The following ALS2CL variants were observed in gnomAD, a reference collection of about 807,000 sequenced individuals.
The protein encoded by ALS2CL is ALS2 C-terminal-like protein.
ALS2CL carries 112 observed loss-of-function variants against 127.9 expected under a neutral mutation model. The observed-to-expected ratio is 0.88, with a 90% CI of 0.75 to 1.02. ALS2CL has a LOEUF of 1.02. Among genes scored for constraint, ALS2CL ranks in the 50% least tolerant of loss-of-function variants. ALS2CL has a pLI of 0.00. For missense variants in ALS2CL, 1,174 were observed against 1,236.7 expected (o/e 0.95, Z 0.76); for synonymous variants, 519 against 527.6 (o/e 0.98, Z 0.22).
intron 19 of ALS2CL, 123 bp downstream of exon 19, chr3:46,676,122 G>C: frequency 6.8e-7 from 1 of 1,460,764 alleles, no homozygotes; most frequent in Non-Finnish European, 9.1e-7. Context: ...CACTGACCAA[G>C]CCTCTGGTTC....
At position 46,682,055 on chromosome 3, in the gene ALS2CL, C is replaced by A. The variant is rs202146355; in HGVS notation, c.1149G>T (p.Gly383=). 75 of 1,614,032 alleles carry A rather than the reference C, an allele frequency of 4.6e-5. No individual in the cohort carries two copies. Among genetic ancestry groups the A allele is most frequent in the Non-Finnish European group, 6.1e-5 (72 of 1,179,976 alleles). ...LKWPDGRNHV[G]NFCQGLEHGF... ...CATGCTCCAGGCCCTGGCAGAAATT[C>A]CCCACGTGATTCCGCCCATCCGGCC... is the stretch of plus-strand genomic sequence containing the variant. Residue 383 remains glycine, a synonymous_variant, in exon 11 of 26, where the codon GGG becomes GGT. Transcript: ENST00000318962.
At chr3:46,675,730 C>T in intron 19 of ALS2CL, 44 bp from the exon 20 acceptor site, 1 of 1,611,258 alleles carries the variant, frequency 6.2e-7, no homozygotes, top group Non-Finnish European at 8.5e-7. Context: ...CCCCTTGCCA[C>T]AGAACTGGAG....
At chr3:46,672,059 T>C in intron 23 of ALS2CL, 26 bp from the exon 24 acceptor site, 1 of 1,613,996 alleles carries the variant, frequency 6.2e-7, no homozygotes, top group Non-Finnish European at 8.5e-7. Flanking sequence ...TGGCTCCAGG[T>C]CAAGGCCCTT....
chr3:46,672,214 G>A lies in ALS2CL; in HGVS notation c.2473-13C>T, dbSNP rs1278838291. On this transcript the variant is annotated splice_polypyrimidine_tract_variant and intron_variant, in intron 22 of 25. Coordinates refer to ENST00000318962, the MANE Select transcript of ALS2CL (RefSeq NM_147129.5). The stretch of plus-strand genomic sequence containing the variant: ...CCAGGGAGTACCTCTGCATGGTGGA[G>A]GGAGTGGGCTGGATGAGGCCATGGC... 6.2e-7 allele frequency: 1 copy of A among 1,614,010 alleles called. No individual in the cohort carries two copies. The highest frequency in any genetic ancestry group is 1.7e-5 in the Admixed American group (1 of 60,024).
At chr3:46,689,047 T>A (rs1699988224) in intron 2 of ALS2CL, among the ~76,000 whole-genome samples, 1 of 59,522 alleles carries the variant, frequency 1.7e-5, no homozygotes. Flanking sequence ...CTGGCCAACA[T>A]GGTAAAACCC....
Position 46,676,634 on chromosome 3 carries a change from G to A in ALS2CL, c.2028+8C>T, listed in dbSNP as rs1237013195. 2 of 1,612,806 alleles carry A rather than the reference G, an allele frequency of 1.2e-6. No homozygotes were observed. Among genetic ancestry groups the A allele is most frequent in the East Asian group, 4.5e-5 (2 of 44,874 alleles). ...TCACCCCCTTGGCCACCCCAGCAGG[G>A]CTCTCACCTTCCTGAGGTACAGCTG... On this transcript the variant is annotated splice_region_variant and intron_variant, in intron 18 of 25. Transcript: ENST00000318962.
At position 46,676,374 on chromosome 3, in the gene ALS2CL, C is replaced by T. The variant is rs765835852; in HGVS notation, c.2057G>A (p.Gly686Glu). ...KALSNSLHPL[G>E]KLLRTLMLTF... is the part of the protein sequence containing the mutation. The stretch of plus-strand genomic sequence containing the variant: ...CAGCATCAGTGTCCGGAGCAGCTTT[C>T]CCAGGGGGTGCAGTGAGTTGCTCAG... Residue 686 changes from glycine to glutamate, a missense_variant, in exon 19 of 26, where the codon GGA becomes GAA. Physicochemically the swap from Gly to Glu is moderately conservative, Grantham distance 98. Transcript: ENST00000318962. 5.6e-5 allele frequency: 90 copies of T among 1,613,950 alleles called. 4 individuals carry two copies. The South Asian group carries it at 9.7e-4, about 17-fold the overall frequency.
chr3:46,686,832 G>T lies in ALS2CL; in HGVS notation c.534+151C>A. On this transcript the variant is annotated intron_variant, in intron 5 of 25. Transcript: ENST00000318962. This position sits in a 1 kb window ranked among gnomAD's most constrained non-coding sequence, Gnocchi z 4.3. ...CATGTCCCCTGAAAACCACAGGACA[G>T]GCCTGTGACTTCCTCAACCCTCTCC... is the stretch of plus-strand genomic sequence containing the variant. 1 of 984,968 alleles carries T rather than the reference G, an allele frequency of 1.0e-6. No individual in the cohort carries two copies. Among genetic ancestry groups the T allele is most frequent in the Non-Finnish European group, 1.4e-6 (1 of 706,980 alleles). 61.0% of individuals were successfully genotyped at this position (984,968 alleles called of 1,614,324 possible).
At chr3:46,673,269 G>A (rs1016267730) in intron 22 of ALS2CL, 70 bp downstream of exon 22, 22 of 1,434,400 alleles carry the variant, frequency 1.5e-5, no homozygotes, top group South Asian at 2.5e-5. Context: ...GCAATCATGA[G>A]GCAAAGGGCT....
intron 3 of ALS2CL, 104 bp from the exon 4 acceptor site, chr3:46,687,788 C>T: frequency 2.4e-6 from 3 of 1,242,626 alleles, no homozygotes; most frequent in Non-Finnish European, 3.3e-6. Flanking sequence ...CAGCTGCAGC[C>T]CTGAGGGCCC....
chr3:46,680,015 A>T, intron 14 of ALS2CL: 1 of 191,020 alleles, frequency 5.2e-6, no homozygotes, highest in Non-Finnish European at 1.1e-5. Flanking sequence ...TTTGTCATTC[A>T]CTAGGGACAC....
In ALS2CL at chr3:46,689,335, C is replaced by T. The variant is rs1440027975; in HGVS notation, c.103+3G>A. On this transcript the variant is annotated splice_donor_region_variant and intron_variant, in intron 2 of 25. Transcript: ENST00000318962. ...CCCTCCCCACTAGAAAGCCTAGACT[C>T]ACCGGCTGGGAGCAGGGGCTGGAGG... 7 of 1,612,588 alleles carry T rather than the reference C, an allele frequency of 4.3e-6. No homozygotes were observed. The East Asian group carries it at 1.6e-4, about 36-fold the overall frequency.
chr3:46,674,970 G>C, intron 20 of ALS2CL: 1 of 452,288 alleles, frequency 2.2e-6, no homozygotes, highest in Non-Finnish European at 3.9e-6. Context: ...GGTGGGGCAG[G>C]AGTTGGATCC....
Position 46,687,699 on chromosome 3 carries a change from G to A in ALS2CL, c.303-15C>T, listed in dbSNP as rs774115855. The stretch of plus-strand genomic sequence containing the variant: ...ACTCAATGTACCTGCAGGCAGCACA[G>A]GGGACACCCTGCAAACCCAGTCCTC... On this transcript the variant is annotated splice_polypyrimidine_tract_variant and intron_variant, in intron 3 of 25. Transcript: ENST00000318962. The A allele has an allele frequency of 5.6e-6, 9 of 1,608,894 alleles. No individual in the cohort carries two copies. The South Asian group carries it at 7.8e-5, about 14-fold the overall frequency.
At chr3:46,687,279 C>A in intron 4 of ALS2CL, 131 bp from the exon 5 acceptor site, 1 of 986,196 alleles carries the variant, frequency 1.0e-6, no homozygotes, top group Non-Finnish European at 1.4e-6. Flanking sequence ...TCTACCCTAT[C>A]AGATCAACAC....
rs202001220 is a variant in ALS2CL, at chr3:46,676,904, C to T, written c.1876G>A (p.Asp626Asn). The T allele has an allele frequency of 3.7e-5, 59 of 1,613,472 alleles. No homozygotes were observed. The highest frequency in any genetic ancestry group is 2.3e-4 in the South Asian group (21 of 91,078). Reference sequence around the variant, plus strand: ...CGCAGCTCCCTGGAGCTCTGCACGTCGAAGCCCAGCAGGGCCTCCTGCAGG... The same window carrying T: ...CGCAGCTCCCTGGAGCTCTGCACGTTGAAGCCCAGCAGGGCCTCCTGCAGG... ...RDLQEALLGF[D>N]VQSSRELRRS... is the part of the protein sequence containing the mutation. The change falls in exon 17 of 26, where the codon GAC becomes AAC. Residue 626 changes from aspartate (D) to asparagine (N), a missense_variant. By Grantham distance (23) the Asp-to-Asn change is conservative. Coordinates refer to ENST00000318962, the MANE Select transcript of ALS2CL (RefSeq NM_147129.5).
At chr3:46,683,749 CG>C (rs1315222445) in intron 9 of ALS2CL, 32 bp downstream of exon 9, 4 of 1,611,074 alleles carry the variant, frequency 2.5e-6, no homozygotes, top group Non-Finnish European at 3.4e-6. Context: ...CCTCTGACCC[CG>C]CTCCCGCAGT....
At chr3:46,677,316 A>G in intron 16 of ALS2CL, 1 of 1,247,058 alleles carries the variant, frequency 8.0e-7, no homozygotes, top group Non-Finnish European at 1.0e-6. Flanking sequence ...CAAGCCAGAG[A>G]GGGGGTCTTG....
intron 22 of ALS2CL, 39 bp from the exon 23 acceptor site, chr3:46,672,240 C>T (rs761147004): frequency 6.2e-6 from 10 of 1,610,994 alleles, no homozygotes; most frequent in Non-Finnish European, 8.5e-6. Flanking sequence ...AGGCCATGGC[C>T]CCCCAGCTCT....
Sources: allele counts gnomAD v4.1 joint callset (sites outside exome capture counted in the v4.1 genomes callset), GRCh38; gene constraint gnomAD v4.1.1; non-coding constraint Gnocchi (gnomAD v3.1); transcripts MANE v1.5; gene names NCBI Gene and HGNC (gene_info 2026-07-23, HGNC 2026-07-21).